LRP2: variants seen among roughly 807,000 people sequenced by gnomAD.
The protein encoded by LRP2 is LDL receptor related protein 2.
Under a neutral mutation model 531.0 loss-of-function variants are expected in LRP2, and 172 were observed. The observed-to-expected ratio is 0.32, with a 90% CI of 0.29 to 0.37. The LOEUF (loss-of-function observed/expected upper bound fraction) is 0.37. Ranked by LOEUF, LRP2 falls within the 10% of genes least tolerant of loss-of-function variation. The pLI, the probability that LRP2 is intolerant of heterozygous loss-of-function variation, is 1.00. For synonymous variants in LRP2, 1,992 were observed against 2,027.6 expected (o/e 0.98, Z 0.47); for missense variants, 5,167 against 5,868.3 (o/e 0.88, Z 3.90).
chr2:169,209,476 C>T lies in LRP2; in HGVS notation c.6446G>A (p.Gly2149Asp). The change falls in exon 38 of 79, where the codon GGT becomes GAT. Residue 2149 changes from glycine to aspartate, a missense_variant. By Grantham distance (94) the Gly-to-Asp change is moderately conservative. Coordinates refer to ENST00000649046, the MANE Select transcript of LRP2 (RefSeq NM_004525.3). ...ACCTGCTACCCAATCCACTGCAATA[C>T]CCCGGACTCCATTTTCTCCTATTCC... is the stretch of plus-strand genomic sequence containing the variant. ...THGIGENGVR[G>D]IAVDWVAGNL... 6.2e-7 allele frequency: 1 copy of T among 1,614,040 alleles called. No homozygotes were observed. Among genetic ancestry groups the T allele is most frequent in the Non-Finnish European group, 8.5e-7 (1 of 1,179,938 alleles).
intron 63 of LRP2, among the ~76,000 whole-genome samples, chr2:169,160,685 A>AAAAAAAACAAAAAAAAAAAAAAAC (rs1553487414): frequency 6.4e-5 from 6 of 94,234 alleles, no homozygotes; most frequent in East Asian, 4.6e-4. Context: ...ATTTCCTTAA[A>AAAAAAAACAAAAAAAAAAAAAAAC]AAAAAAAAAA....
At position 169,201,617 on chromosome 2, in the gene LRP2, G is replaced by T; in HGVS notation, c.8452+11C>A. On this transcript the variant is annotated intron_variant, in intron 44 of 78. Transcript: ENST00000649046. ...ACCCAAAATCACAATAAGCACTTAA[G>T]ATAAACTTACGGCAATTTTTCTCAT... 1 of 1,614,060 alleles carries T rather than the reference G, an allele frequency of 6.2e-7. No homozygotes were observed. The highest frequency in any genetic ancestry group is 8.5e-7 in the Non-Finnish European group (1 of 1,180,020).
chr2:169,136,459 G>T, intron 76 of LRP2, among the ~76,000 whole-genome samples: 1 of 152,134 alleles, frequency 6.6e-6, no homozygotes, highest in East Asian at 1.9e-4. Flanking sequence ...CACCCAGATG[G>T]CCTGAAGTAA....
At chr2:169,191,785 C>T in intron 48 of LRP2, 47 bp downstream of exon 48, 1 of 1,556,372 alleles carries the variant, frequency 6.4e-7, no homozygotes, top group African/African-American at 1.4e-5. Flanking sequence ...GCCCAGCCCC[C>T]ATGGACATTT....
At chr2:169,209,753 C>G in intron 37 of LRP2, 112 bp from the exon 38 acceptor site, 1 of 1,030,838 alleles carries the variant, frequency 9.7e-7, no homozygotes, top group Non-Finnish European at 1.5e-6. Context: ...GAGCATCTCC[C>G]CATTACAAAA....
At chr2:169,299,067 GAAGGAAAGAAAGAAA>G (rs1684204181) in intron 4 of LRP2, among the ~76,000 whole-genome samples, 1 of 121,316 alleles carries the variant, frequency 8.2e-6, no homozygotes, top group South Asian at 2.6e-4. Flanking sequence ...AAGAAAGAAA[GAAGGAAAGAAAGAAA>G]GAAGGAAAGA....
In LRP2 at chr2:169,127,728, C is replaced by A. The variant is rs546091169; in HGVS notation, c.*935G>T. 1.4e-5 allele frequency: 2 copies of A among 147,958 alleles called. No homozygotes were observed. Among genetic ancestry groups the A allele is most frequent in the African/African-American group, 5.0e-5 (2 of 39,888 alleles). The allele number at this position is 147,958 out of a possible 1,614,324, so 9.2% of individuals were successfully genotyped here. A position where few individuals can be genotyped will look rare whatever the true frequency, so the allele number is the denominator to read the frequency against. Reference sequence around the variant, plus strand: ...TGATATTTTCATAGAAACAAAAACCCAGTTGAGGCTTTACTTAACTGGTAT... The same window carrying A: ...TGATATTTTCATAGAAACAAAAACCAAGTTGAGGCTTTACTTAACTGGTAT... On this transcript the variant is annotated 3_prime_UTR_variant, in exon 79 of 79. Coordinates refer to ENST00000649046, the MANE Select transcript of LRP2 (RefSeq NM_004525.3).
chr2:169,354,584 A>C (rs977343341), intron 1 of LRP2, among the ~76,000 whole-genome samples: 3 of 152,222 alleles, frequency 2.0e-5, no homozygotes. Context: ...ATTTCTTTGC[A>C]CTGAATTTCA....
intron 16 of LRP2, among the ~76,000 whole-genome samples, chr2:169,268,762 T>G (rs191510832): frequency 0.047 from 7,100 of 152,078 alleles, 352 homozygotes; most frequent in Admixed American, 0.17. Flanking sequence ...GGGCAATTAG[T>G]CAGGAGAAGG....
chr2:169,272,257 G>A (rs767129684), intron 15 of LRP2, among the ~76,000 whole-genome samples: 15 of 152,100 alleles, frequency 9.9e-5, no homozygotes, highest in Admixed American at 8.5e-4. Context: ...GGGCCCAGGC[G>A]ATGGCTTAAG....
chr2:169,345,312 C>A (rs1685667801), intron 1 of LRP2, among the ~76,000 whole-genome samples: 1 of 152,110 alleles, frequency 6.6e-6, no homozygotes, highest in African/African-American at 2.4e-5. Flanking sequence ...GCCTTCTTTC[C>A]AGAATTTTTT....
At chr2:169,335,677 G>A (rs1685384198) in intron 1 of LRP2, among the ~76,000 whole-genome samples, 2 of 151,988 alleles carry the variant, frequency 1.3e-5, no homozygotes, top group African/African-American at 2.4e-5. Context: ...GAAGTTCAGC[G>A]ATTCTCCAGG....
At chr2:169,269,745 A>G (rs1386329844) in intron 16 of LRP2, among the ~76,000 whole-genome samples, 2 of 152,224 alleles carry the variant, frequency 1.3e-5, no homozygotes, top group Non-Finnish European at 2.9e-5. Context: ...AAAAGCCAAA[A>G]TTGACAAATG....
intron 29 of LRP2, among the ~76,000 whole-genome samples, chr2:169,233,965 C>A (rs553435335): frequency 5.6e-4 from 85 of 152,248 alleles, no homozygotes; most frequent in Admixed American, 3.1e-3. Context: ...CACTCCCACG[C>A]CCCAGCCTTC....
intron 3 of LRP2, among the ~76,000 whole-genome samples, chr2:169,311,251 T>A (rs1227704730): frequency 1.3e-5 from 2 of 152,226 alleles, no homozygotes; most frequent in Non-Finnish European, 1.5e-5. Flanking sequence ...AGCTTTTGAA[T>A]GTGTTTGCTC....
In LRP2 at chr2:169,260,736, T is replaced by C. The variant is rs1049158566; in HGVS notation, c.2321-1519A>G. ...ATAAAAGTCTCCCCATAATTATTTA[T>C]AGTTGCTACATAGATAGTAATCAAA... is the stretch of plus-strand genomic sequence containing the variant. On this transcript the variant is annotated intron_variant, in intron 16 of 78. Coordinates refer to ENST00000649046, the MANE Select transcript of LRP2 (RefSeq NM_004525.3). Among the ~76,000 whole-genome samples the C allele has an allele frequency of 2.0e-5, 3 of 152,002 alleles. No individual in the cohort carries two copies. In the East Asian group the frequency reaches 5.8e-4, roughly 30 times the overall value.
At chr2:169,150,211 G>T (rs1244453369) in intron 68 of LRP2, among the ~76,000 whole-genome samples, 1 of 152,166 alleles carries the variant, frequency 6.6e-6, no homozygotes, top group Non-Finnish European at 1.5e-5. Context: ...TATCTACAGA[G>T]GGCTAGACTG....
chr2:169,286,280 T>C (rs989045593), intron 9 of LRP2, among the ~76,000 whole-genome samples: 2 of 152,214 alleles, frequency 1.3e-5, no homozygotes, highest in African/African-American at 4.8e-5. Context: ...TGTAGACTTT[T>C]GAGATTATCT....
At position 169,185,946 on chromosome 2, in the gene LRP2, A is replaced by G. The variant is rs1421190672; in HGVS notation, c.9402T>C (p.Tyr3134=). The change falls in exon 50 of 79, where the codon TAT becomes TAC. Residue 3134 remains tyrosine, a synonymous_variant. Transcript: ENST00000649046. ...HNCTDTLTSF[Y]CSCRPGYKLM... ...GCTTGTAACCAGGACGACAGGAACA[A>G]TAGAAACTGGTTAAGGTGTCTGTGC... 1 of 1,614,060 alleles carries G rather than the reference A, an allele frequency of 6.2e-7. No homozygotes were observed. The highest frequency in any genetic ancestry group is 1.1e-5 in the South Asian group (1 of 91,062).
Sources: gnomAD v4.1 joint callset for allele counts (sites outside exome capture counted in the v4.1 genomes callset) on GRCh38, gnomAD v4.1.1 for gene constraint, MANE v1.5 for transcripts, NCBI Gene and HGNC (gene_info 2026-07-23, HGNC 2026-07-21) for gene names.